The following HYDIN variants were observed in gnomAD, a reference collection of about 807,000 sequenced individuals.
The protein encoded by HYDIN is HYDIN axonemal central pair apparatus protein.
HYDIN carries 132 observed loss-of-function variants against 403.9 expected under a neutral mutation model. The ratio of observed to expected loss-of-function variants is 0.33; its 90% CI spans 0.28 to 0.38. HYDIN has a LOEUF of 0.38. Ranked by LOEUF, HYDIN falls within the 10% of genes least tolerant of loss-of-function variation. The pLI is 1.00. For synonymous variants in HYDIN, 1,202 were observed against 1,891.7 expected, an observed-to-expected ratio of 0.64 and a Z score of 9.46; for missense variants, 2,827 against 5,009.5, an observed-to-expected ratio of 0.56 and a Z score of 13.15.
At chr16:70,850,093 G>A (rs1347079765) in intron 74 of HYDIN, 146 bp from the exon 75 acceptor site, 3 of 635,114 alleles carry the variant, frequency 4.7e-6, no homozygotes, top group Admixed American at 5.1e-5. Flanking sequence ...GCTTAATGGA[G>A]TCAGATATTC....
intron 42 of HYDIN, among the ~76,000 whole-genome samples, chr16:70,942,052 G>T (rs1227089834): frequency 7.7e-6 from 1 of 130,230 alleles, no homozygotes; most frequent in Non-Finnish European, 1.6e-5. Flanking sequence ...AGTCTCCCTC[G>T]GTCACTCCAG....
intron 3 of HYDIN, among the ~76,000 whole-genome samples, chr16:71,180,261 G>C (rs1357510264): frequency 6.6e-6 from 1 of 151,840 alleles, no homozygotes; most frequent in Non-Finnish European, 1.5e-5. Flanking sequence ...TGAAAATATA[G>C]ATAAAAATAC....
At chr16:71,141,196 G>A (rs1235379119) in intron 7 of HYDIN, among the ~76,000 whole-genome samples, 1 of 147,280 alleles carries the variant, frequency 6.8e-6, no homozygotes, top group African/African-American at 2.5e-5. Flanking sequence ...CTGGAATTTA[G>A]TATATTATAA....
chr16:71,045,568 C>T (rs942062554), intron 18 of HYDIN, among the ~76,000 whole-genome samples: 1 of 147,836 alleles, frequency 6.8e-6, no homozygotes, highest in African/African-American at 2.5e-5. Context: ...AGACCATCAT[C>T]TTTTGAGAGT....
intron 13 of HYDIN, among the ~76,000 whole-genome samples, chr16:71,074,000 A>T (rs1204922606): frequency 6.6e-6 from 1 of 152,142 alleles, no homozygotes; most frequent in African/African-American, 2.4e-5. Context: ...AACATCATCA[A>T]TTCCAACAGT....
At position 70,857,744 on chromosome 16, in the gene HYDIN, G is replaced by A; in HGVS notation, c.12256C>T (p.Leu4086=). 3 of 1,586,794 alleles carry A rather than the reference G, an allele frequency of 1.9e-6. No individual in the cohort carries two copies. The highest frequency in any genetic ancestry group is 2.6e-6 in the Non-Finnish European group (3 of 1,166,258). Residue 4086 remains leucine (L), a synonymous_variant, in exon 72 of 86, where the codon CTG becomes TTG. Coordinates refer to ENST00000393567, the MANE Select transcript of HYDIN (RefSeq NM_001270974.2). ...VGKTTEPLIS[L]NKSHLNFSSL... ...CTGAAGTTGAGGTGTGACTTGTTCAGAGAGATGAGAGGTTCGGTAGTTTTG... is the reference window on the plus strand; with the variant it reads ...CTGAAGTTGAGGTGTGACTTGTTCAAAGAGATGAGAGGTTCGGTAGTTTTG...
chr16:70,820,400 C>G (rs768088877), intron 83 of HYDIN, among the ~76,000 whole-genome samples: 1 of 151,512 alleles, frequency 6.6e-6, no homozygotes, highest in African/African-American at 2.4e-5. Context: ...ACCATGGTCT[C>G]GATCTCCTGA....
At chr16:71,049,971 G>A (rs1450060182) in intron 18 of HYDIN, among the ~76,000 whole-genome samples, 1 of 147,304 alleles carries the variant, frequency 6.8e-6, no homozygotes, top group Admixed American at 6.8e-5. Context: ...CAGACATGTA[G>A]GATAGTACAA....
chr16:70,920,515 G>T, intron 46 of HYDIN, 76 bp downstream of exon 46: 1 of 1,091,780 alleles, frequency 9.2e-7, no homozygotes, highest in South Asian at 1.6e-5. Context: ...CAGGTAGGGA[G>T]AAGCACCCCT....
intron 8 of HYDIN, among the ~76,000 whole-genome samples, chr16:71,130,601 C>T (rs1269942132): frequency 5.3e-5 from 8 of 150,252 alleles, no homozygotes; most frequent in African/African-American, 2.0e-4. Context: ...CATTCTCCTG[C>T]CTCAGCCTCC....
At chr16:71,176,932 A>G (rs113838286) in intron 4 of HYDIN, among the ~76,000 whole-genome samples, 1 of 152,186 alleles carries the variant, frequency 6.6e-6, no homozygotes, top group African/African-American at 2.4e-5. Flanking sequence ...CGGGGCCCCA[A>G]ATCTCTCCCC....
chr16:70,933,538 G>A (rs372108719), intron 45 of HYDIN: 8,166 of 152,052 alleles, frequency 0.054, 770 homozygotes, highest in African/African-American at 0.19. Flanking sequence ...TGCCCCCACC[G>A]CCTTCTGGCC....
intron 1 of HYDIN, among the ~76,000 whole-genome samples, chr16:71,193,481 A>G (rs1008393156): frequency 6.6e-6 from 1 of 152,216 alleles, no homozygotes; most frequent in African/African-American, 2.4e-5. Context: ...AGGGTTTGCC[A>G]TTAAAGCTCT....
chr16:70,916,244 GTCC>G (rs2076836715), intron 47 of HYDIN, among the ~76,000 whole-genome samples: 1 of 152,120 alleles, frequency 6.6e-6, no homozygotes, highest in Non-Finnish European at 1.5e-5. Flanking sequence ...GCCTCTGGCT[GTCC>G]TCCTGAAAGA....
chr16:71,176,877 T>G (rs1037612571), intron 4 of HYDIN, among the ~76,000 whole-genome samples: 1 of 152,166 alleles, frequency 6.6e-6, no homozygotes, highest in Non-Finnish European at 1.5e-5. Flanking sequence ...CTATCTTTTG[T>G]ACCCCACGAC....
chr16:70,837,848 T>C lies in HYDIN; in HGVS notation c.13084A>G (p.Asn4362Asp), dbSNP rs2037541631. 6.2e-7 allele frequency: 1 copy of C among 1,613,962 alleles called. No individual in the cohort carries two copies. Among genetic ancestry groups the C allele is most frequent in the Non-Finnish European group, 8.5e-7 (1 of 1,179,848 alleles). Residue 4362 changes from asparagine to aspartate, a missense_variant, in exon 77 of 86, where the codon AAC becomes GAC. Coordinates refer to ENST00000393567, the MANE Select transcript of HYDIN (RefSeq NM_001270974.2). ...LYTNTTHLEV[N>D]SRVDVVKPGN... ...GGCTTTACCACATCAACACGGGAGT[T>C]CACCTCGAGGTGAGTGGTGTTGGTG...
At chr16:71,036,977 C>T (rs1162048423) in intron 18 of HYDIN, among the ~76,000 whole-genome samples, 1 of 135,446 alleles carries the variant, frequency 7.4e-6, no homozygotes, top group African/African-American at 2.7e-5. Context: ...TTCCGTAATT[C>T]TTTCAAAACC....
Position 70,810,025 on chromosome 16 carries a change from G to A in HYDIN, c.14659-18C>T, listed in dbSNP as rs2035366583. 3 of 1,611,316 alleles carry A rather than the reference G, an allele frequency of 1.9e-6. No individual in the cohort carries two copies. Among genetic ancestry groups the A allele is most frequent in the African/African-American group, 1.3e-5 (1 of 74,838 alleles). On this transcript the variant is annotated intron_variant, in intron 84 of 85. Coordinates refer to ENST00000393567, the MANE Select transcript of HYDIN (RefSeq NM_001270974.2). ...AACGTGCCCTGGAAGAGAAAACAGA[G>A]GATCCTGTCATGCTGAAAGGCTAAT...
chr16:70,822,333 G>T (rs1222380955), intron 83 of HYDIN, among the ~76,000 whole-genome samples: 4 of 152,106 alleles, frequency 2.6e-5, no homozygotes, highest in Non-Finnish European at 4.4e-5. Context: ...TAGAGGTGGA[G>T]CTTGAAGATA....
Sources: gnomAD v4.1 joint callset for allele counts (sites outside exome capture counted in the v4.1 genomes callset) on GRCh38, gnomAD v4.1.1 for gene constraint, MANE v1.5 for transcripts, NCBI Gene and HGNC (gene_info 2026-07-23, HGNC 2026-07-21) for gene names.